Variants in ANKRD44 observed in about 807,000 individuals in gnomAD.
ANKRD44 encodes the protein ankyrin repeat domain 44.
A neutral mutation model predicts 116.0 loss-of-function variants in ANKRD44; 35 were observed. The observed-to-expected ratio is 0.30, with a 90% CI of 0.23 to 0.40. ANKRD44 has a LOEUF of 0.40. Ranked by LOEUF, ANKRD44 falls within the 10% of genes least tolerant of loss-of-function variation. ANKRD44 has a pLI of 1.00. For synonymous variants in ANKRD44, 435 were observed against 461.8 expected, an observed-to-expected ratio of 0.94 and a Z score of 0.74; for missense variants, 1,014 against 1,242.6, an observed-to-expected ratio of 0.82 and a Z score of 2.77.
chr2:197,253,933 A>C (rs186865703), intron 1 of ANKRD44, among the ~76,000 whole-genome samples: 15 of 152,324 alleles, frequency 9.8e-5, no homozygotes, highest in African/African-American at 3.6e-4. Flanking sequence ...CACACTCATA[A>C]TCCGCACAGG....
Position 197,110,849 on chromosome 2 carries a change from A to G in ANKRD44, c.907-5T>C. 1 of 1,613,198 alleles carries G rather than the reference A, an allele frequency of 6.2e-7. No individual in the cohort carries two copies. Among genetic ancestry groups the G allele is most frequent in the East Asian group, 2.2e-5 (1 of 44,868 alleles). On this transcript the variant is annotated splice_polypyrimidine_tract_variant and splice_region_variant and intron_variant, in intron 8 of 27. Coordinates refer to ENST00000282272, the MANE Select transcript of ANKRD44 (RefSeq NM_001195144.2). ...TGGACTTTTGCCATCTTTACTCTAA[A>G]AAAAAGAGAGGGAGAGAAAAACAAT...
chr2:197,131,072 C>T (rs1341537983), intron 4 of ANKRD44, among the ~76,000 whole-genome samples: 1 of 152,200 alleles, frequency 6.6e-6, no homozygotes, highest in African/African-American at 2.4e-5. Context: ...TACTAACTTT[C>T]TGAGATTACA....
intron 2 of ANKRD44, among the ~76,000 whole-genome samples, chr2:197,169,186 C>G (rs2080168952): frequency 6.6e-6 from 1 of 152,132 alleles, no homozygotes; most frequent in Non-Finnish European, 1.5e-5. Context: ...GGCCTTTGCT[C>G]CTGTCTTTAT....
At chr2:197,024,521 T>C (rs1266711639) in intron 17 of ANKRD44, among the ~76,000 whole-genome samples, 2 of 152,216 alleles carry the variant, frequency 1.3e-5, no homozygotes, top group Non-Finnish European at 2.9e-5. Context: ...GTGGGTGCAC[T>C]TCCCACCTTG....
chr2:197,235,699 T>C (rs2081963574), intron 1 of ANKRD44, among the ~76,000 whole-genome samples: 1 of 149,108 alleles, frequency 6.7e-6, no homozygotes, highest in South Asian at 2.1e-4. Context: ...ATATAAATAA[T>C]ACAATACAAA....
chr2:197,153,602 T>C (rs1360724477), intron 2 of ANKRD44, among the ~76,000 whole-genome samples: 26 of 152,196 alleles, frequency 1.7e-4, no homozygotes, highest in Admixed American at 1.7e-3. Flanking sequence ...AATGCCATGC[T>C]TCTTTTGAAA....
At chr2:197,189,161 G>C (rs2080761248) in intron 1 of ANKRD44, among the ~76,000 whole-genome samples, 1 of 152,200 alleles carries the variant, frequency 6.6e-6, no homozygotes, top group Non-Finnish European at 1.5e-5. Context: ...CAGTAAGACA[G>C]AGTAAGATTC....
At chr2:196,991,660 C>T (rs1351584076) in intron 27 of ANKRD44, among the ~76,000 whole-genome samples, 1 of 152,048 alleles carries the variant, frequency 6.6e-6, no homozygotes, top group Non-Finnish European at 1.5e-5. Flanking sequence ...GATTTTACTA[C>T]AGCCTTGTCT....
At chr2:197,238,401 C>A (rs751009900) in intron 1 of ANKRD44, among the ~76,000 whole-genome samples, 1 of 152,164 alleles carries the variant, frequency 6.6e-6, no homozygotes, top group African/African-American at 2.4e-5. Flanking sequence ...CTGAACATTG[C>A]CTAGTCAACT....
At chr2:196,982,987 T>G (rs1449281272), downstream of ANKRD44, among the ~76,000 whole-genome samples, 2 of 151,812 alleles carry the variant, frequency 1.3e-5, no homozygotes, top group Non-Finnish European at 2.9e-5. Context: ...TGGGAACACA[T>G]GGACACAGGG....
intron 1 of ANKRD44, among the ~76,000 whole-genome samples, chr2:197,221,597 A>G (rs2081588002): frequency 6.6e-6 from 1 of 152,340 alleles, no homozygotes; most frequent in East Asian, 1.9e-4. Flanking sequence ...TTCCTAAAGC[A>G]TAACTTAGAT....
At position 197,135,348 on chromosome 2, in the gene ANKRD44, A is replaced by G. The variant is rs184317556; in HGVS notation, c.261+1244T>C. 3 of 152,232 alleles carry G rather than the reference A, an allele frequency of 2.0e-5. No individual in the cohort carries two copies. In the East Asian group the frequency reaches 5.8e-4, roughly 29 times the overall value. The allele number at this position is 152,232 out of a possible 1,614,324, so 9.4% of individuals were successfully genotyped here. ...CTATGGAGGTCAGTCATCCAGCACC[A>G]AGTGCATGCAAGGTTTGAACCTCTT... On this transcript the variant is annotated intron_variant, in intron 4 of 27. Coordinates refer to ENST00000282272, the MANE Select transcript of ANKRD44 (RefSeq NM_001195144.2).
chr2:197,159,556 A>G (rs1191112058), intron 2 of ANKRD44, among the ~76,000 whole-genome samples: 1 of 152,280 alleles, frequency 6.6e-6, no homozygotes, highest in Non-Finnish European at 1.5e-5. Context: ...AAAGCACTGG[A>G]CATTATTTCC....
intron 16 of ANKRD44, among the ~76,000 whole-genome samples, chr2:197,065,888 G>A (rs2077421826): frequency 6.6e-6 from 1 of 152,280 alleles, no homozygotes; most frequent in East Asian, 1.9e-4. Context: ...CATTCCTTCT[G>A]AAACTGTTCC....
At chr2:197,253,560 G>A (rs2082370677) in intron 1 of ANKRD44, among the ~76,000 whole-genome samples, 1 of 151,968 alleles carries the variant, frequency 6.6e-6, no homozygotes, top group Non-Finnish European at 1.5e-5. Context: ...TATATTTATT[G>A]CATATATATG....
intron 3 of ANKRD44, among the ~76,000 whole-genome samples, chr2:197,140,814 T>C (rs1160995403): frequency 6.6e-6 from 1 of 152,176 alleles, no homozygotes; most frequent in Non-Finnish European, 1.5e-5. Context: ...ATTACCTTGA[T>C]TGTGGTGATA....
At chr2:197,125,599 G>T in intron 5 of ANKRD44, 131 bp from the exon 6 acceptor site, 1 of 946,920 alleles carries the variant, frequency 1.1e-6, no homozygotes, top group Non-Finnish European at 1.7e-6. Context: ...TTCTGACAAA[G>T]TAGAAATATG....
chr2:197,086,970 C>A (rs1307634635), intron 12 of ANKRD44, among the ~76,000 whole-genome samples: 1 of 152,080 alleles, frequency 6.6e-6, no homozygotes, highest in Non-Finnish European at 1.5e-5. Context: ...GATTAAAGAG[C>A]TTGGTGGAAT....
At chr2:197,064,846 C>T (rs181410516) in intron 16 of ANKRD44, among the ~76,000 whole-genome samples, 7,041 of 152,172 alleles carry the variant, frequency 0.046, 209 homozygotes, top group Non-Finnish European at 0.066. Flanking sequence ...TCCCACACAA[C>T]AATAATGGGA....
Sources: gnomAD v4.1 joint callset for allele counts (sites outside exome capture counted in the v4.1 genomes callset) on GRCh38, gnomAD v4.1.1 for gene constraint, MANE v1.5 for transcripts, NCBI Gene and HGNC (gene_info 2026-07-23, HGNC 2026-07-21) for gene names.